Variants in CFAP221 observed in about 807,000 individuals in gnomAD.
The protein encoded by CFAP221 is cilia and flagella associated protein 221.
A neutral mutation model predicts 113.1 loss-of-function variants in CFAP221; 97 were observed. The ratio of observed to expected loss-of-function variants is 0.86; its 90% CI spans 0.73 to 1.02. The LOEUF is 1.02. Among genes scored for constraint, CFAP221 ranks in the 50% least tolerant of loss-of-function variants. The pLI, the probability that CFAP221 is intolerant of heterozygous loss-of-function variation, is 0.00. For missense variants in CFAP221, 1,025 were observed against 1,013.4 expected (o/e 1.01, Z -0.16); for synonymous variants, 331 against 354.4 (o/e 0.93, Z 0.74).
intron 6 of CFAP221, among the ~76,000 whole-genome samples, chr2:119,581,644 GGGAAT>G (rs1331724693): frequency 6.6e-6 from 1 of 152,146 alleles, no homozygotes; most frequent in East Asian, 1.9e-4. Flanking sequence ...AGAGAGTGGA[GGGAAT>G]GGTATAGAAT....
chr2:119,649,574 G>A (rs1688004154), intron 22 of CFAP221, among the ~76,000 whole-genome samples: 1 of 152,166 alleles, frequency 6.6e-6, no homozygotes, highest in Non-Finnish European at 1.5e-5. Flanking sequence ...TAGGATCCAG[G>A]GTGAGCCAGT....
At chr2:119,553,922 A>G (rs1680601243) in intron 3 of CFAP221, among the ~76,000 whole-genome samples, 1 of 152,162 alleles carries the variant, frequency 6.6e-6, no homozygotes, top group African/African-American at 2.4e-5. Flanking sequence ...TTGTGAGGTT[A>G]TTAGAAGAGT....
intron 6 of CFAP221, among the ~76,000 whole-genome samples, chr2:119,566,729 C>T (rs901279234): frequency 1.3e-5 from 2 of 152,184 alleles, no homozygotes; most frequent in East Asian, 1.9e-4. Context: ...CTTTCCTACC[C>T]GCACACCCCA....
intron 6 of CFAP221, among the ~76,000 whole-genome samples, chr2:119,583,690 T>A (rs145361096): frequency 2.0e-5 from 3 of 152,326 alleles, no homozygotes; most frequent in African/African-American, 4.8e-5. Context: ...TCAAAATGTA[T>A]GTGTTTAAAT....
intron 22 of CFAP221, among the ~76,000 whole-genome samples, chr2:119,650,748 G>T (rs1306055606): frequency 6.6e-6 from 1 of 152,252 alleles, no homozygotes; most frequent in Non-Finnish European, 1.5e-5. Context: ...TGTTTGCAAA[G>T]CGCCAGCATA....
chr2:119,613,934 C>T (rs976211546), intron 13 of CFAP221, among the ~76,000 whole-genome samples: 9 of 152,168 alleles, frequency 5.9e-5, no homozygotes, highest in Non-Finnish European at 7.3e-5. Flanking sequence ...ACCATATCTT[C>T]GTGAATACAT....
chr2:119,593,332 G>A (rs1009446182), intron 7 of CFAP221, among the ~76,000 whole-genome samples: 2 of 152,128 alleles, frequency 1.3e-5, no homozygotes, highest in Middle Eastern at 3.2e-3. Flanking sequence ...TCTGTGTCTT[G>A]CTATAAAGGA....
At chr2:119,578,803 C>T (rs987911164) in intron 6 of CFAP221, among the ~76,000 whole-genome samples, 1 of 152,180 alleles carries the variant, frequency 6.6e-6, no homozygotes, top group Admixed American at 6.5e-5. Context: ...TTATGGTAAA[C>T]TAGCCTCTTC....
At position 119,615,641 on chromosome 2, in the gene CFAP221, C is replaced by A. The variant is rs1192717886; in HGVS notation, c.1342C>A (p.Pro448Thr). 1 of 1,610,426 alleles carries A rather than the reference C, an allele frequency of 6.2e-7. No homozygotes were observed. The highest frequency in any genetic ancestry group is 8.5e-7 in the Non-Finnish European group (1 of 1,178,508). The change falls in exon 14 of 24, where the codon CCA (proline) becomes ACA (threonine). Residue 448 changes from proline (P) to threonine (T), a missense_variant. By Grantham distance (38) the Pro-to-Thr change is conservative. Transcript: ENST00000413369. ...CAAGGAATTTCATCCTACTTTTGAT[C>A]CACTCATTAATAACACTTGGCTCAG... ...KIKEFHPTFD[P>T]LINNTWLSRS...
intron 12 of CFAP221, among the ~76,000 whole-genome samples, chr2:119,610,706 A>T (rs1685089849): frequency 6.6e-6 from 1 of 152,118 alleles, no homozygotes. Flanking sequence ...CACCTCTCTT[A>T]TTTCTGATTA....
chr2:119,623,293 G>A (rs1031181482), intron 14 of CFAP221, among the ~76,000 whole-genome samples: 2 of 152,006 alleles, frequency 1.3e-5, no homozygotes, highest in African/African-American at 4.8e-5. Context: ...AAAATACCTA[G>A]GAATACAACT....
At chr2:119,627,852 G>C (rs1686449485) in intron 16 of CFAP221, 66 bp downstream of exon 16, 3 of 1,587,840 alleles carry the variant, frequency 1.9e-6, no homozygotes, top group Admixed American at 3.4e-5. Context: ...CAGATACAAG[G>C]CAAGCCCTAC....
intron 23 of CFAP221, among the ~76,000 whole-genome samples, chr2:119,652,513 A>G (rs1206963310): frequency 1.3e-5 from 2 of 152,216 alleles, no homozygotes; most frequent in Admixed American, 1.3e-4. Context: ...GGGCAAATGT[A>G]AGGATGAAAT....
intron 12 of CFAP221, among the ~76,000 whole-genome samples, chr2:119,611,281 A>G (rs867513561): frequency 2.6e-5 from 4 of 152,242 alleles, no homozygotes; most frequent in Middle Eastern, 3.4e-3. Context: ...TTCCAAAGAC[A>G]CTATCTTTTA....
rs759274091 is a variant in CFAP221, at chr2:119,647,051, G to C, written c.2318+1G>C. On this transcript the variant is annotated splice_donor_variant, in intron 22 of 23. Transcript: ENST00000413369. LOFTEE classifies it high-confidence loss of function. ...AGGACAGACTAGAAACAGTAGAACG[G>C]TATTTTTTTTTTTTTTAATCTTTGG... 6.8e-6 allele frequency: 10 copies of C among 1,469,076 alleles called. No individual in the cohort carries two copies. In the East Asian group the frequency reaches 2.0e-4, roughly 29 times the overall value. The allele number at this position is 1,469,076 out of a possible 1,614,324, so 91.0% of individuals were successfully genotyped here. A position where few individuals can be genotyped will look rare whatever the true frequency, so the allele number is the denominator to read the frequency against.
intron 22 of CFAP221, among the ~76,000 whole-genome samples, chr2:119,647,971 C>T (rs1199631891): frequency 1.3e-5 from 2 of 152,098 alleles, no homozygotes; most frequent in Non-Finnish European, 2.9e-5. Context: ...CCACCACCAC[C>T]ACCGCCACTC....
chr2:119,578,651 G>A (rs1682621158), intron 6 of CFAP221, among the ~76,000 whole-genome samples: 1 of 152,152 alleles, frequency 6.6e-6, no homozygotes, highest in Non-Finnish European at 1.5e-5. Flanking sequence ...TTATCTTGAT[G>A]TTTCCCTCAA....
At chr2:119,656,061 T>C (rs6542540) in intron 23 of CFAP221, 318,615 of 322,872 alleles carry the variant, frequency 0.99, 157,350 homozygotes, top group East Asian at 1. Context: ...ATTTCACCTT[T>C]GCTACAATGC....
intron 6 of CFAP221, among the ~76,000 whole-genome samples, chr2:119,584,586 C>CA (rs901070546): frequency 0.062 from 7,895 of 127,000 alleles, 314 homozygotes; most frequent in African/African-American, 0.14. Context: ...GACTGTGTCT[C>CA]AAAAAAAAAA....
Sources: allele counts gnomAD v4.1 joint callset (sites outside exome capture counted in the v4.1 genomes callset), GRCh38; gene constraint gnomAD v4.1.1; transcripts MANE v1.5; gene names NCBI Gene and HGNC (gene_info 2026-07-23, HGNC 2026-07-21).